The following GLIS3 variants were observed in gnomAD, a reference collection of about 807,000 sequenced individuals.
The protein encoded by GLIS3 is zinc finger protein GLIS3.
A neutral mutation model predicts 78.6 loss-of-function variants in GLIS3; 53 were observed. The ratio of observed to expected loss-of-function variants is 0.67; its 90% CI spans 0.54 to 0.85. GLIS3 has a LOEUF of 0.85. Ranked by LOEUF, GLIS3 falls within the 40% of genes least tolerant of loss-of-function variation. GLIS3 has a pLI of 0.00. For synonymous variants in GLIS3, 684 were observed against 509.9 expected (o/e 1.34, Z -4.60); for missense variants, 1,703 against 1,231.1 (o/e 1.38, Z -5.74).
intron 4 of GLIS3, among the ~76,000 whole-genome samples, chr9:3,965,188 CTTTTCTTT>C (rs1465387043): frequency 1.0e-5 from 1 of 98,998 alleles, no homozygotes; most frequent in African/African-American, 3.9e-5. Context: ...TCTTTCTTTT[CTTTTCTTT>C]TTTTTTTTTT....
intron 2 of GLIS3, among the ~76,000 whole-genome samples, chr9:4,225,564 T>C (rs1037453854): frequency 6.6e-6 from 1 of 152,222 alleles, no homozygotes; most frequent in African/African-American, 2.4e-5. Flanking sequence ...TGAGTCACTA[T>C]AACTAGTAAA....
intron 9 of GLIS3, among the ~76,000 whole-genome samples, chr9:3,852,755 C>T (rs200736948): frequency 7.9e-5 from 12 of 152,032 alleles, no homozygotes; most frequent in East Asian, 5.8e-4. Context: ...ATGGCTAATA[C>T]AGGGGCACGC....
intron 4 of GLIS3, among the ~76,000 whole-genome samples, chr9:4,005,140 A>G (rs1821440738): frequency 6.6e-6 from 1 of 152,164 alleles, no homozygotes; most frequent in South Asian, 2.1e-4. Context: ...GTATTCTTTG[A>G]GGCACCCAAA....
chr9:4,209,934 C>T (rs180968677), intron 2 of GLIS3, among the ~76,000 whole-genome samples: 1 of 152,086 alleles, frequency 6.6e-6, no homozygotes. Context: ...ACAAAGGAGA[C>T]AAGACATCCC....
At position 4,030,458 on chromosome 9, in the gene GLIS3, C is replaced by T. The variant is rs147077943; in HGVS notation, c.1710+87310G>A. Among the ~76,000 whole-genome samples the T allele has an allele frequency of 2.8e-4, 43 of 152,242 alleles. No individual in the cohort carries two copies. In the East Asian group the frequency reaches 6.0e-3, roughly 21 times the overall value. ...TTTAACTTGATGTGATCTCATTTGT[C>T]CATCTTTGCTTTGGTTGCCTGTGTT... is the stretch of plus-strand genomic sequence containing the variant. On this transcript the variant is annotated intron_variant, in intron 4 of 10. Coordinates refer to ENST00000381971, the MANE Select transcript of GLIS3 (RefSeq NM_001042413.2).
chr9:4,188,867 T>C (rs1818053750), intron 2 of GLIS3, among the ~76,000 whole-genome samples: 1 of 152,186 alleles, frequency 6.6e-6, no homozygotes, highest in Non-Finnish European at 1.5e-5. Flanking sequence ...TTTTATTGCA[T>C]CTATTTCACT....
intron 2 of GLIS3, among the ~76,000 whole-genome samples, chr9:4,207,605 T>C (rs538892930): frequency 6.6e-6 from 1 of 152,290 alleles, no homozygotes; most frequent in African/African-American, 2.4e-5. Flanking sequence ...TTCACAGACA[T>C]TATTGCCTTT....
intron 2 of GLIS3, among the ~76,000 whole-genome samples, chr9:4,272,050 G>C (rs79552773): frequency 3.9e-5 from 6 of 152,244 alleles, no homozygotes; most frequent in East Asian, 3.9e-4. Context: ...TTGTGCCCTC[G>C]TCATGCGGCC....
At chr9:4,452,641 T>C in the GLIS3 span, among the ~76,000 whole-genome samples, 1 of 152,090 alleles carries the variant, frequency 6.6e-6, no homozygotes, top group Non-Finnish European at 1.5e-5. Flanking sequence ...CAAAGAGAAC[T>C]ACAAACCACT....
At chr9:4,206,931 C>A (rs1819932373) in intron 2 of GLIS3, among the ~76,000 whole-genome samples, 1 of 152,184 alleles carries the variant, frequency 6.6e-6, no homozygotes, top group Admixed American at 6.5e-5. Flanking sequence ...TACTGACAAA[C>A]AACAACTGCT....
chr9:4,026,585 C>A (rs1418890229), intron 4 of GLIS3, among the ~76,000 whole-genome samples: 5 of 152,158 alleles, frequency 3.3e-5, no homozygotes, highest in African/African-American at 4.8e-5. Context: ...AAAAATTCAT[C>A]TGCATACATA....
chr9:4,461,047 A>C, the GLIS3 span, among the ~76,000 whole-genome samples: 2 of 152,176 alleles, frequency 1.3e-5, no homozygotes, highest in Non-Finnish European at 2.9e-5. Context: ...GGAGTTGGAG[A>C]TGTTCTCTTA....
the GLIS3 span, among the ~76,000 whole-genome samples, chr9:4,362,745 C>A: frequency 1.3e-5 from 2 of 152,154 alleles, no homozygotes; most frequent in Non-Finnish European, 2.9e-5. Flanking sequence ...ACTAGGGGCC[C>A]AGCTTTTGGT....
intron 4 of GLIS3, among the ~76,000 whole-genome samples, chr9:4,075,411 C>CAAAAAAAAAAAAAAAAAA (rs59194808): frequency 1.7e-4 from 20 of 118,134 alleles, no homozygotes; most frequent in African/African-American, 3.5e-4. Context: ...ACTAAAAATA[C>CAAAAAAAAAAAAAAAAAA]AAAAAAAAAA....
At chr9:4,216,009 T>C (rs1820794623) in intron 2 of GLIS3, among the ~76,000 whole-genome samples, 1 of 152,222 alleles carries the variant, frequency 6.6e-6, no homozygotes, top group African/African-American at 2.4e-5. Flanking sequence ...CTTGGGCTGA[T>C]GGTCCAGTTG....
At chr9:4,006,863 C>T (rs959147877) in intron 4 of GLIS3, among the ~76,000 whole-genome samples, 2 of 152,212 alleles carry the variant, frequency 1.3e-5, no homozygotes, top group East Asian at 1.9e-4. Flanking sequence ...AAAACTCCTA[C>T]GGTGCTGCTG....
intron 7 of GLIS3, among the ~76,000 whole-genome samples, chr9:3,896,668 A>C (rs1368505823): frequency 6.8e-6 from 1 of 146,798 alleles, no homozygotes; most frequent in African/African-American, 2.5e-5. Context: ...TCCCATCTCA[A>C]TTAAAAAAAA....
At chr9:3,867,688 A>C (rs1050541121) in intron 8 of GLIS3, among the ~76,000 whole-genome samples, 1 of 151,894 alleles carries the variant, frequency 6.6e-6, no homozygotes, top group Non-Finnish European at 1.5e-5. Flanking sequence ...TGAGATCAGG[A>C]ACAACTTTTA....
intron 4 of GLIS3, among the ~76,000 whole-genome samples, chr9:4,044,489 G>T (rs950865385): frequency 6.6e-6 from 1 of 152,120 alleles, no homozygotes; most frequent in African/African-American, 2.4e-5. Context: ...CTCCACGCCT[G>T]GTCCTATTCC....
Sources: gnomAD v4.1 joint callset for allele counts (sites outside exome capture counted in the v4.1 genomes callset) on GRCh38, gnomAD v4.1.1 for gene constraint, MANE v1.5 for transcripts, NCBI Gene and HGNC (gene_info 2026-07-23, HGNC 2026-07-21) for gene names.